The following TMEM132C variants were observed in gnomAD, a reference collection of about 807,000 sequenced individuals.
TMEM132C encodes transmembrane protein 132C, also known as protein phosphatase 1, regulatory subunit 152.
In TMEM132C, 29 loss-of-function variants were observed where a neutral mutation model predicts 61.4. The observed-to-expected ratio is 0.47, with a 90% confidence interval of 0.35 to 0.64. The LOEUF is 0.64. Ranked by LOEUF, TMEM132C falls within the 30% of genes least tolerant of loss-of-function variation. TMEM132C has a pLI of 0.00. For synonymous variants in TMEM132C, 656 were observed against 633.1 expected, an observed-to-expected ratio of 1.04 and a Z score of -0.54; for missense variants, 1,408 against 1,476.9, an observed-to-expected ratio of 0.95 and a Z score of 0.76.
intron 1 of TMEM132C, among the ~76,000 whole-genome samples, chr12:128,402,625 A>G (rs1158331669): frequency 6.7e-6 from 1 of 148,270 alleles, no homozygotes; most frequent in Non-Finnish European, 1.5e-5. Context: ...ACCCACCTGC[A>G]GACGGACCTC....
At chr12:128,460,204 G>C (rs1421620415) in intron 2 of TMEM132C, among the ~76,000 whole-genome samples, 1 of 152,110 alleles carries the variant, frequency 6.6e-6, no homozygotes, top group Non-Finnish European at 1.5e-5. Context: ...GGGGGAAATA[G>C]TGGGTCATCT....
intron 5 of TMEM132C, among the ~76,000 whole-genome samples, chr12:128,690,890 G>A (rs1297045369): frequency 6.6e-6 from 1 of 152,166 alleles, no homozygotes; most frequent in Non-Finnish European, 1.5e-5. Context: ...TCTCCAAACA[G>A]AAGTGCAAGT....
chr12:128,401,712 G>A lies in TMEM132C; in HGVS notation c.86-13020G>A, dbSNP rs577204459. 5.3e-5 allele frequency among the ~76,000 whole-genome samples: 8 copies of A among 152,284 alleles called. No individual in the cohort carries two copies. In the South Asian group the frequency reaches 1.7e-3, roughly 32 times the overall value. ...GATGTTTAAGATCGGCTCTTTGCTT[G>A]GATCACTGTAAGTGGGTTCCTCACC... On this transcript the variant is annotated intron_variant, in intron 1 of 8. Coordinates refer to ENST00000435159, the MANE Select transcript of TMEM132C (RefSeq NM_001136103.3).
chr12:128,526,669 AAGAT>A (rs1593086418), intron 2 of TMEM132C, among the ~76,000 whole-genome samples: 1 of 152,180 alleles, frequency 6.6e-6, no homozygotes, highest in African/African-American at 2.4e-5. Flanking sequence ...AGTCAAATAA[AAGAT>A]AGAGAAGATA....
Position 128,696,055 on chromosome 12 carries a change from G to C in TMEM132C, c.1881G>C (p.Gln627His). Reference sequence around the variant, plus strand: ...AGGAACCTCACGTGGCCACCCTCCAGGACAGCCGGGTCCTGGTTGGGCGAG... The same window carrying C: ...AGGAACCTCACGTGGCCACCCTCCACGACAGCCGGGTCCTGGTTGGGCGAG... ...KLEEPHVATL[Q>H]DSRVLVGREV... Residue 627 changes from glutamine to histidine, a missense_variant, in exon 7 of 9, where the codon CAG becomes CAC. Gln to His is a conservative substitution (Grantham distance 24). Coordinates refer to ENST00000435159, the MANE Select transcript of TMEM132C (RefSeq NM_001136103.3). 6.4e-7 allele frequency: 1 copy of C among 1,551,718 alleles called. No homozygotes were observed. The highest frequency in any genetic ancestry group is 8.7e-7 in the Non-Finnish European group (1 of 1,146,990).
intron 1 of TMEM132C, among the ~76,000 whole-genome samples, chr12:128,384,847 A>G (rs1874524367): frequency 6.6e-6 from 1 of 152,152 alleles, no homozygotes; most frequent in African/African-American, 2.4e-5. Flanking sequence ...GCACACTGAG[A>G]CATAATGAGC....
chr12:128,396,976 G>A (rs1015732514), intron 1 of TMEM132C, among the ~76,000 whole-genome samples: 10 of 152,240 alleles, frequency 6.6e-5, no homozygotes, highest in Non-Finnish European at 1.2e-4. Context: ...GTGCCCAGGA[G>A]TGAGAGTGAC....
chr12:128,599,965 G>GGTTTTTT (rs939493011), intron 3 of TMEM132C, among the ~76,000 whole-genome samples: 4 of 152,032 alleles, frequency 2.6e-5, no homozygotes, highest in Non-Finnish European at 4.4e-5. Context: ...AAGACCTGAT[G>GGTTTTTT]GTTTTTTGTT....
At chr12:128,351,071 A>G (rs1363237330) in intron 1 of TMEM132C, among the ~76,000 whole-genome samples, 2 of 152,082 alleles carry the variant, frequency 1.3e-5, no homozygotes, top group African/African-American at 4.8e-5. Flanking sequence ...AGAGAAATGA[A>G]CTGCTCTCTT....
At chr12:128,525,457 T>C (rs1873054148) in intron 2 of TMEM132C, among the ~76,000 whole-genome samples, 1 of 152,056 alleles carries the variant, frequency 6.6e-6, no homozygotes, top group Non-Finnish European at 1.5e-5. Flanking sequence ...CCAACCTCCA[T>C]ACATCCTGTT....
At chr12:128,671,490 G>A (rs1410461392) in intron 5 of TMEM132C, among the ~76,000 whole-genome samples, 3 of 152,316 alleles carry the variant, frequency 2.0e-5, no homozygotes, top group African/African-American at 7.2e-5. Flanking sequence ...AAGCATTCGG[G>A]TAGTGATTTT....
At chr12:128,392,245 A>G (rs913201442) in intron 1 of TMEM132C, among the ~76,000 whole-genome samples, 7 of 152,204 alleles carry the variant, frequency 4.6e-5, no homozygotes, top group Non-Finnish European at 8.8e-5. Flanking sequence ...TCATCAAGAA[A>G]GGCTTGAACC....
intron 1 of TMEM132C, among the ~76,000 whole-genome samples, chr12:128,277,671 C>G (rs1870740068): frequency 6.6e-6 from 1 of 152,190 alleles, no homozygotes; most frequent in Non-Finnish European, 1.5e-5. Context: ...GACTGCCCAG[C>G]AGGCAAAACC....
At chr12:128,324,945 C>A (rs1359852660) in intron 1 of TMEM132C, among the ~76,000 whole-genome samples, 1 of 152,064 alleles carries the variant, frequency 6.6e-6, no homozygotes, top group Non-Finnish European at 1.5e-5. Flanking sequence ...TCTTCATTTC[C>A]AATTTTTTAC....
intron 2 of TMEM132C, among the ~76,000 whole-genome samples, chr12:128,433,352 T>G (rs955612699): frequency 6.6e-6 from 1 of 152,184 alleles, no homozygotes; most frequent in Non-Finnish European, 1.5e-5. Flanking sequence ...TCCAATATTT[T>G]CTTTGCTTTA....
intron 2 of TMEM132C, among the ~76,000 whole-genome samples, chr12:128,478,158 G>A (rs1459956764): frequency 1.3e-5 from 2 of 152,128 alleles, no homozygotes; most frequent in Non-Finnish European, 1.5e-5. Flanking sequence ...GTAGGTCAAT[G>A]CATCATTTCC....
At chr12:128,545,657 G>A (rs1873924382) in intron 3 of TMEM132C, among the ~76,000 whole-genome samples, 1 of 152,156 alleles carries the variant, frequency 6.6e-6, no homozygotes, top group Non-Finnish European at 1.5e-5. Context: ...CGTTCTGACT[G>A]GTGTGAGATG....
At chr12:128,447,880 C>A (rs1186254037) in intron 2 of TMEM132C, among the ~76,000 whole-genome samples, 1 of 125,416 alleles carries the variant, frequency 8.0e-6, no homozygotes, top group Non-Finnish European at 1.6e-5. Context: ...GCGCCCGCCA[C>A]CGCGCCCGGC....
chr12:128,598,837 G>C (rs1388882123), intron 3 of TMEM132C, among the ~76,000 whole-genome samples: 1 of 150,704 alleles, frequency 6.6e-6, no homozygotes, highest in African/African-American at 2.4e-5. Context: ...CTGGAGGTGG[G>C]GCTGGGGTGG....
Sources: allele counts gnomAD v4.1 joint callset (sites outside exome capture counted in the v4.1 genomes callset), GRCh38; gene constraint gnomAD v4.1.1; transcripts MANE v1.5; gene names NCBI Gene and HGNC (gene_info 2026-07-23, HGNC 2026-07-21).